Variants in KCTD8 observed in about 807,000 individuals in gnomAD.
The protein encoded by KCTD8 is potassium channel tetramerization domain containing 8, also known as BTB/POZ domain-containing protein KCTD8.
Under a neutral mutation model 31.5 loss-of-function variants are expected in KCTD8, and 27 were observed. The ratio of observed to expected loss-of-function variants is 0.86; its 90% CI spans 0.63 to 1.18. The LOEUF (loss-of-function observed/expected upper bound fraction) is 1.18. Among genes scored for constraint, KCTD8 ranks in the 50% most tolerant of loss-of-function variants. KCTD8 has a pLI of 0.00. For missense variants in KCTD8, 658 were observed against 647.7 expected, an observed-to-expected ratio of 1.02 and a Z score of -0.17; for synonymous variants, 290 against 280.0, an observed-to-expected ratio of 1.04 and a Z score of -0.36.
At chr4:44,404,793 T>C (rs1720745109) in intron 1 of KCTD8, among the ~76,000 whole-genome samples, 1 of 152,204 alleles carries the variant, frequency 6.6e-6, no homozygotes, top group Non-Finnish European at 1.5e-5. Flanking sequence ...AATCTTATGT[T>C]TAAAATCGTA....
intron 1 of KCTD8, among the ~76,000 whole-genome samples, chr4:44,176,982 G>A (rs958513756): frequency 1.4e-4 from 21 of 151,988 alleles, no homozygotes; most frequent in African/African-American, 5.1e-4. Flanking sequence ...GCTTATAATT[G>A]CTTAGTAAGG....
In KCTD8 at chr4:44,181,500, G is replaced by T. The variant is rs143850187; in HGVS notation, c.962-6250C>A. On this transcript the variant is annotated intron_variant, in intron 1 of 1. Coordinates refer to ENST00000360029, the MANE Select transcript of KCTD8 (RefSeq NM_198353.3). ...TAACCGCGAGTGATCTGCCAGCCTC[G>T]GCCCCCCGAGGCGCCGGGATTGCAG... is the stretch of plus-strand genomic sequence containing the variant. Among the ~76,000 whole-genome samples, 124 of 152,112 alleles carry T rather than the reference G, an allele frequency of 8.2e-4. 2 individuals carry two copies. In the East Asian group the frequency reaches 0.019, roughly 24 times the overall value.
At chr4:44,339,714 C>CA (rs902602386) in intron 1 of KCTD8, among the ~76,000 whole-genome samples, 20 of 151,544 alleles carry the variant, frequency 1.3e-4, no homozygotes, top group African/African-American at 3.6e-4. Flanking sequence ...TAAAATGCTA[C>CA]AAAAAAAATT....
rs1027251213 is a variant in KCTD8, at chr4:44,198,115, TA to T, written c.962-22866del. ...CAGACAAAAGTAAAGAAAAATGAAT[TA>T]AAAAAAATAAACAAAACCTCTGAGA... On this transcript the variant is annotated intron_variant, in intron 1 of 1. Transcript: ENST00000360029. Among the ~76,000 whole-genome samples, 17 of 151,576 alleles carry T rather than the reference TA, an allele frequency of 1.1e-4. No homozygotes were observed. In the South Asian group the frequency reaches 2.5e-3, roughly 22 times the overall value.
intron 1 of KCTD8, among the ~76,000 whole-genome samples, chr4:44,224,932 A>T (rs1288350236): frequency 6.6e-6 from 1 of 152,124 alleles, no homozygotes; most frequent in Non-Finnish European, 1.5e-5. Flanking sequence ...TCAGCCAAGG[A>T]GGTCACACTC....
chr4:44,433,550 T>C (rs187463993), intron 1 of KCTD8, among the ~76,000 whole-genome samples: 1 of 151,820 alleles, frequency 6.6e-6, no homozygotes, highest in East Asian at 1.9e-4. Context: ...GAATAGTTTA[T>C]ATGATATTCT....
At chr4:44,299,384 A>G (rs1361659787) in intron 1 of KCTD8, among the ~76,000 whole-genome samples, 1 of 152,178 alleles carries the variant, frequency 6.6e-6, no homozygotes, top group Non-Finnish European at 1.5e-5. Flanking sequence ...TATTTTTACC[A>G]AAAGTTTAAG....
chr4:44,437,802 AACCAC>A (rs1014025204), intron 1 of KCTD8, among the ~76,000 whole-genome samples: 18 of 151,044 alleles, frequency 1.2e-4, no homozygotes, highest in African/African-American at 4.4e-4. Context: ...AAAAGTAAAG[AACCAC>A]AAAATAAAAC....
chr4:44,283,029 TTA>T (rs1560414934), intron 1 of KCTD8, among the ~76,000 whole-genome samples: 43 of 8,634 alleles, frequency 5.0e-3, no homozygotes, highest in East Asian at 0.012. Context: ...ACACATTTTA[TTA>T]TTATTATTAT....
chr4:44,365,284 A>T (rs914072609), intron 1 of KCTD8, among the ~76,000 whole-genome samples: 3 of 152,134 alleles, frequency 2.0e-5, no homozygotes, highest in African/African-American at 4.8e-5. Flanking sequence ...GAACGGTTTT[A>T]TCTTGAGAAA....
At chr4:44,426,242 G>A (rs1473060433) in intron 1 of KCTD8, among the ~76,000 whole-genome samples, 3 of 151,688 alleles carry the variant, frequency 2.0e-5, no homozygotes. Context: ...AAAGGCCACA[G>A]AGGAAACCCA....
At chr4:44,421,647 A>G (rs1196129064) in intron 1 of KCTD8, among the ~76,000 whole-genome samples, 1 of 152,070 alleles carries the variant, frequency 6.6e-6, no homozygotes, top group African/African-American at 2.4e-5. Context: ...GGCTTTGGAG[A>G]GCCCTTATTC....
intron 1 of KCTD8, among the ~76,000 whole-genome samples, chr4:44,442,527 C>T (rs759278468): frequency 6.6e-5 from 10 of 152,046 alleles, no homozygotes; most frequent in Non-Finnish European, 1.2e-4. Context: ...GCGGAGGTTG[C>T]AGTGAGCCGA....
chr4:44,377,093 C>T (rs1719935315), intron 1 of KCTD8, among the ~76,000 whole-genome samples: 1 of 152,134 alleles, frequency 6.6e-6, no homozygotes, highest in Admixed American at 6.6e-5. Context: ...CAAAATTATG[C>T]TCTAGCCTCC....
chr4:44,234,593 C>G lies in KCTD8; in HGVS notation c.962-59343G>C, dbSNP rs1715221120. Among the ~76,000 whole-genome samples, 3 of 152,140 alleles carry G rather than the reference C, an allele frequency of 2.0e-5. No individual in the cohort carries two copies. In the South Asian group the frequency reaches 6.2e-4, roughly 31 times the overall value. ...TGCAGCATTGGTCAAGGGAAGACAG[C>G]AGGGTATAACTCCATTGCATTGTAC... On this transcript the variant is annotated intron_variant, in intron 1 of 1. Coordinates refer to ENST00000360029, the MANE Select transcript of KCTD8 (RefSeq NM_198353.3).
intron 1 of KCTD8, among the ~76,000 whole-genome samples, chr4:44,229,424 TC>T (rs1715055538): frequency 6.6e-6 from 1 of 152,142 alleles, no homozygotes; most frequent in African/African-American, 2.4e-5. Flanking sequence ...TCCAGGGCAC[TC>T]CGCTGGCAAA....
At chr4:44,265,788 TATCAGCCATGG>T (rs1190903937) in intron 1 of KCTD8, among the ~76,000 whole-genome samples, 3 of 151,982 alleles carry the variant, frequency 2.0e-5, no homozygotes, top group African/African-American at 7.3e-5. Context: ...GAAGAAAGGG[TATCAGCCATGG>T]AAGATGAAAT....
At chr4:44,388,388 T>C (rs993705149) in intron 1 of KCTD8, among the ~76,000 whole-genome samples, 4 of 151,852 alleles carry the variant, frequency 2.6e-5, no homozygotes, top group East Asian at 1.9e-4. Context: ...CATTCTATTA[T>C]AAAGACACAT....
intron 1 of KCTD8, among the ~76,000 whole-genome samples, chr4:44,237,169 C>A (rs1254857393): frequency 1.3e-5 from 2 of 151,950 alleles, no homozygotes; most frequent in African/African-American, 4.8e-5. Flanking sequence ...CTTGTTTCTA[C>A]AGTATGGAAG....
Sources: gnomAD v4.1 joint callset for allele counts (sites outside exome capture counted in the v4.1 genomes callset) on GRCh38, gnomAD v4.1.1 for gene constraint, MANE v1.5 for transcripts, NCBI Gene and HGNC (gene_info 2026-07-23, HGNC 2026-07-21) for gene names.